The following CSMD3 variants were observed in gnomAD, a reference collection of about 807,000 sequenced individuals.
CSMD3 encodes CUB and Sushi multiple domains 3.
In CSMD3, 177 loss-of-function variants were observed where a neutral mutation model predicts 435.2. That is an observed-to-expected ratio of 0.41 (90% CI 0.36 to 0.46). The LOEUF is 0.46. CSMD3 is among the 20% of genes least tolerant of loss of function. The pLI is 0.34. For synonymous variants in CSMD3, 1,656 were observed against 1,520.5 expected (o/e 1.09, Z -2.07); for missense variants, 4,265 against 4,504.6 (o/e 0.95, Z 1.52).
rs147020419 is a variant in CSMD3 at position 112,704,572 on chromosome 8, G to A, written c.1973-14522C>T. 4.7e-3 allele frequency among the ~76,000 whole-genome samples: 718 copies of A among 152,000 alleles called. 10 individuals are homozygous for A. Among genetic ancestry groups the A allele is most frequent in the African/African-American group, 0.017 (693 of 41,490 alleles). On this transcript the variant is annotated intron_variant, in intron 13 of 70. Transcript: ENST00000297405. ...ATTATGTAGCATTTTGCTGCAACCC[G>A]ATGATTATCAAAATTTTTTCTGGTT...
At chr8:112,537,027 G>C (rs985202872) in intron 27 of CSMD3, among the ~76,000 whole-genome samples, 5 of 151,984 alleles carry the variant, frequency 3.3e-5, no homozygotes, top group African/African-American at 9.7e-5. Context: ...TTTGGGGTAG[G>C]GGGAAGGGGG....
chr8:112,307,525 C>T (rs62514402), intron 50 of CSMD3, among the ~76,000 whole-genome samples: 29,855 of 151,982 alleles, frequency 0.2, 3,586 homozygotes, highest in East Asian at 0.36. Context: ...TCAAGCAGTC[C>T]AGTGGCCTCT....
intron 27 of CSMD3, among the ~76,000 whole-genome samples, chr8:112,523,726 T>C (rs1824554840): frequency 6.6e-6 from 1 of 152,094 alleles, no homozygotes; most frequent in Non-Finnish European, 1.5e-5. Flanking sequence ...TGCCCTTGAT[T>C]GAGCCCTTGC....
intron 6 of CSMD3, among the ~76,000 whole-genome samples, chr8:112,993,405 T>C (rs930780343): frequency 2.0e-5 from 3 of 151,780 alleles, no homozygotes; most frequent in African/African-American, 7.3e-5. Context: ...AAATGGGACA[T>C]AAAATGATAG....
intron 10 of CSMD3, among the ~76,000 whole-genome samples, chr8:112,887,739 CA>C (rs5894115): frequency 0.014 from 1,986 of 145,818 alleles, 54 homozygotes; most frequent in African/African-American, 0.045. Context: ...AGTCTTTATG[CA>C]AAAAAAAAAA....
Position 112,421,697 on chromosome 8 carries a change from A to G in CSMD3, c.5396-12665T>C, listed in dbSNP as rs957459014. Among the ~76,000 whole-genome samples the G allele has an allele frequency of 6.7e-4, 100 of 148,252 alleles. 1 individual carries two copies. The highest frequency in any genetic ancestry group is 1.2e-3 in the Admixed American group (18 of 14,716). On this transcript the variant is annotated intron_variant, in intron 32 of 70. Transcript: ENST00000297405. ...ATTACATATATATGTATACCTATAT[A>G]TATATATTGCCAGACCAAAGTCTAT... is the stretch of plus-strand genomic sequence containing the variant.
chr8:112,349,379 A>C (rs1248238598), intron 40 of CSMD3, among the ~76,000 whole-genome samples: 1 of 152,138 alleles, frequency 6.6e-6, no homozygotes, highest in Non-Finnish European at 1.5e-5. Flanking sequence ...TATATATAGT[A>C]TCCCAAGCCT....
chr8:112,276,413 A>G (rs561174094), intron 59 of CSMD3, among the ~76,000 whole-genome samples: 5 of 152,188 alleles, frequency 3.3e-5, no homozygotes, highest in Admixed American at 1.3e-4. Flanking sequence ...TCACAGCTCC[A>G]CTAGGCAGTG....
intron 3 of CSMD3, among the ~76,000 whole-genome samples, chr8:113,190,628 C>T (rs568049506): frequency 2.3e-4 from 35 of 151,340 alleles, no homozygotes; most frequent in African/African-American, 8.5e-4. Flanking sequence ...ATGTCTATGA[C>T]GATGTTTTTA....
At chr8:113,345,085 A>T (rs967061352) in intron 1 of CSMD3, among the ~76,000 whole-genome samples, 2 of 152,114 alleles carry the variant, frequency 1.3e-5, no homozygotes, top group South Asian at 4.1e-4. Context: ...AAAACAATGC[A>T]TATAAAGCAC....
intron 38 of CSMD3, among the ~76,000 whole-genome samples, chr8:112,375,213 C>T (rs951074896): frequency 2.6e-5 from 4 of 152,072 alleles, no homozygotes; most frequent in Non-Finnish European, 5.9e-5. Flanking sequence ...ATTGGGTAAA[C>T]AGTCACAAAT....
chr8:113,192,460 T>A (rs1055947140), intron 3 of CSMD3, among the ~76,000 whole-genome samples: 28 of 151,670 alleles, frequency 1.8e-4, no homozygotes, highest in African/African-American at 6.8e-4. Context: ...AAAAAGCTAT[T>A]TGTTTAGCTA....
rs377197883 is a variant in CSMD3 at position 112,247,135 on chromosome 8, T to C, written c.10111-4A>G. ...GGAACTGTACAACACTTCCTACCTA[T>C]AGCAAATTAAAGAGAGGAAAAAAAT... On this transcript the variant is annotated splice_polypyrimidine_tract_variant and splice_region_variant and intron_variant, in intron 63 of 70. Coordinates refer to ENST00000297405, the MANE Select transcript of CSMD3 (RefSeq NM_198123.2). 708 of 1,595,762 alleles carry C rather than the reference T, an allele frequency of 4.4e-4. No individual in the cohort carries two copies. Among genetic ancestry groups the C allele is most frequent in the Non-Finnish European group, 5.7e-4 (661 of 1,163,610 alleles).
intron 32 of CSMD3, among the ~76,000 whole-genome samples, chr8:112,450,522 T>C (rs1816138657): frequency 6.6e-6 from 1 of 152,226 alleles, no homozygotes; most frequent in South Asian, 2.1e-4. Context: ...ATCTGATTCA[T>C]ACATCAGTAT....
At chr8:112,452,759 AACAGCTAACCTACACATTCTAAC>A (rs1478194671) in intron 32 of CSMD3, among the ~76,000 whole-genome samples, 5 of 152,166 alleles carry the variant, frequency 3.3e-5, no homozygotes, top group Non-Finnish European at 5.9e-5. Flanking sequence ...TGAGCACTCA[AACAGCTAACCTACACATTCTAAC>A]ACAGCTAACC....
chr8:112,743,383 C>T (rs1230004887), intron 13 of CSMD3, among the ~76,000 whole-genome samples: 11 of 151,746 alleles, frequency 7.2e-5, no homozygotes, highest in Admixed American at 5.9e-4. Context: ...TTTCCAACCT[C>T]TCATATGTTT....
At chr8:112,531,025 G>A (rs890960259) in intron 27 of CSMD3, among the ~76,000 whole-genome samples, 9 of 152,024 alleles carry the variant, frequency 5.9e-5, no homozygotes, top group East Asian at 1.9e-4. Flanking sequence ...CATCAGCTGC[G>A]GGGGCCACAG....
intron 5 of CSMD3, among the ~76,000 whole-genome samples, chr8:113,074,591 ATAGT>A (rs1237318593): frequency 1.1e-4 from 17 of 152,016 alleles, no homozygotes; most frequent in South Asian, 2.1e-4. Flanking sequence ...CTTACTTGCT[ATAGT>A]TAGTTAGAAT....
At chr8:112,783,894 T>A (rs1298356239) in intron 13 of CSMD3, among the ~76,000 whole-genome samples, 2 of 150,664 alleles carry the variant, frequency 1.3e-5, no homozygotes, top group Non-Finnish European at 3.0e-5. Flanking sequence ...AGCAAGAGGA[T>A]ATAAAACTAT....
Sources: allele counts gnomAD v4.1 joint callset (sites outside exome capture counted in the v4.1 genomes callset), GRCh38; gene constraint gnomAD v4.1.1; transcripts MANE v1.5; gene names NCBI Gene and HGNC (gene_info 2026-07-23, HGNC 2026-07-21).